SYNDIG1L: variants seen among roughly 807,000 people sequenced by gnomAD.
The protein encoded by SYNDIG1L is synapse differentiation-inducing gene protein 1-like.
SYNDIG1L carries 13 observed loss-of-function variants against 20.1 expected under a neutral mutation model. The observed-to-expected ratio is 0.65, with a 90% CI of 0.42 to 1.03. The LOEUF (loss-of-function observed/expected upper bound fraction) is 1.03, where lower values mean the gene tolerates loss of function less well. SYNDIG1L is among the 50% of genes least tolerant of loss of function. The pLI is 0.00. For synonymous variants in SYNDIG1L, 128 were observed against 129.3 expected, an observed-to-expected ratio of 0.99 and a Z score of 0.07; for missense variants, 294 against 305.1, an observed-to-expected ratio of 0.96 and a Z score of 0.27.
rs1595192952 is a variant in SYNDIG1L at position 74,407,966 on chromosome 14, A to G, written c.441T>C (p.Ser147=). The G allele has an allele frequency of 4.3e-6, 7 of 1,612,010 alleles. No individual in the cohort carries two copies. Among genetic ancestry groups the G allele is most frequent in the Non-Finnish European group, 5.1e-6 (6 of 1,179,122 alleles). ...EEESDATSTE[S]ESEDNFLTLP... Reference sequence around the variant, plus strand: ...GCGTGAGGAAGTTGTCTTCACTTTCACTCTCCGTTGAAGTGGCATCGCTCT... The same window carrying G: ...GCGTGAGGAAGTTGTCTTCACTTTCGCTCTCCGTTGAAGTGGCATCGCTCT... Residue 147 remains serine (S), a synonymous_variant, in exon 3 of 4, where the codon AGT becomes AGC. Coordinates refer to ENST00000331628, the MANE Select transcript of SYNDIG1L (RefSeq NM_001105579.2).
the SYNDIG1L span, among the ~76,000 whole-genome samples, chr14:74,441,685 CT>C: frequency 6.6e-6 from 1 of 151,664 alleles, no homozygotes; most frequent in Admixed American, 6.6e-5. Flanking sequence ...ACTTTTTAAA[CT>C]TTTTTTTGTA....
chr14:74,427,759 A>G (rs2086277577), upstream of SYNDIG1L, among the ~76,000 whole-genome samples: 1 of 152,162 alleles, frequency 6.6e-6, no homozygotes. Flanking sequence ...ATACAGACAC[A>G]CACACAACAC....
chr14:74,412,041 G>A (rs1202225358), intron 1 of SYNDIG1L, among the ~76,000 whole-genome samples: 1 of 152,232 alleles, frequency 6.6e-6, no homozygotes, highest in Non-Finnish European at 1.5e-5. Flanking sequence ...CAGAGATAGG[G>A]CGCACAGGCT....
chr14:74,470,114 T>C, the SYNDIG1L span, among the ~76,000 whole-genome samples: 34 of 152,166 alleles, frequency 2.2e-4, no homozygotes, highest in Non-Finnish European at 4.7e-4. Flanking sequence ...TAGGAGTTCT[T>C]GTACTCACCT....
chr14:74,423,693 T>C (rs558985052), intron 1 of SYNDIG1L, among the ~76,000 whole-genome samples: 169 of 151,356 alleles, frequency 1.1e-3, no homozygotes, highest in African/African-American at 3.8e-3. Flanking sequence ...GATATATATA[T>C]ACACACACAC....
the SYNDIG1L span, among the ~76,000 whole-genome samples, chr14:74,440,516 T>TAAAAAAAAAAAAAAAA: frequency 3.1e-5 from 3 of 97,242 alleles, no homozygotes; most frequent in African/African-American, 1.4e-4. Flanking sequence ...CTCCGTCTCA[T>TAAAAAAAAAAAAAAAA]AAAAAAAAAA....
At chr14:74,418,171 G>T (rs2086192103) in intron 1 of SYNDIG1L, among the ~76,000 whole-genome samples, 1 of 152,218 alleles carries the variant, frequency 6.6e-6, no homozygotes, top group Middle Eastern at 3.2e-3. Context: ...GTGGCTGTTT[G>T]TTGATGGCTT....
At chr14:74,420,390 C>CAA (rs33945889) in intron 1 of SYNDIG1L, among the ~76,000 whole-genome samples, 17,816 of 98,994 alleles carry the variant, frequency 0.18, 1,599 homozygotes, top group Non-Finnish European at 0.2. Flanking sequence ...GAGACTCTGT[C>CAA]AAAAAAAAAA....
At chr14:74,443,829 C>G in the SYNDIG1L span, among the ~76,000 whole-genome samples, 25 of 152,172 alleles carry the variant, frequency 1.6e-4, no homozygotes, top group African/African-American at 6.0e-4. Context: ...TGGCCAATAA[C>G]TGTCATTAGG....
rs781533484 is a variant in SYNDIG1L at position 74,409,719 on chromosome 14, T to A, written c.26A>T (p.Asn9Ile). MESLSELQNPLLPRSPAHL... is the reference protein window; with the variant it reads MESLSELQIPLLPRSPAHL... ...GGCAGGGCTCCTGGGCAGCAGCGGGTTCTGTAGTTCACTCAGACTCTCCAT... is the reference window on the plus strand; with the variant it reads ...GGCAGGGCTCCTGGGCAGCAGCGGGATCTGTAGTTCACTCAGACTCTCCAT... Residue 9 changes from asparagine (N) to isoleucine (I), a missense_variant, in exon 2 of 4, where the codon AAC becomes ATC. Transcript: ENST00000331628. 1.4e-6 allele frequency: 2 copies of A among 1,464,356 alleles called. No individual in the cohort carries two copies. The allele number at this position is 1,464,356 out of a possible 1,614,324, so 90.7% of individuals were successfully genotyped here. A position where few individuals can be genotyped will look rare whatever the true frequency, so the allele number is the denominator to read the frequency against.
the SYNDIG1L span, among the ~76,000 whole-genome samples, chr14:74,465,535 G>A: frequency 6.6e-6 from 1 of 152,180 alleles, no homozygotes; most frequent in Non-Finnish European, 1.5e-5. Flanking sequence ...GTGAACATCA[G>A]TTGGCACACA....
chr14:74,442,572 G>A, the SYNDIG1L span, among the ~76,000 whole-genome samples: 1 of 152,340 alleles, frequency 6.6e-6, no homozygotes, highest in Admixed American at 6.5e-5. Flanking sequence ...TCTAAAATCA[G>A]CAGGAGGCCA....
the SYNDIG1L span, among the ~76,000 whole-genome samples, chr14:74,451,000 C>A: frequency 2.3e-4 from 35 of 152,146 alleles, no homozygotes; most frequent in African/African-American, 8.2e-4. Context: ...GTCAGTATCC[C>A]CCAGATTGAT....
At chr14:74,460,232 T>C in the SYNDIG1L span, among the ~76,000 whole-genome samples, 1 of 151,426 alleles carries the variant, frequency 6.6e-6, no homozygotes, top group Admixed American at 6.6e-5. Context: ...GTGGGGCTCT[T>C]ACCACCTACT....
chr14:74,471,603 CACACACACACACAT>C, the SYNDIG1L span, among the ~76,000 whole-genome samples: 2 of 151,780 alleles, frequency 1.3e-5, no homozygotes, highest in Admixed American at 6.6e-5. Flanking sequence ...ATCTCACACA[CACACACACACACAT>C]ACACACACAC....
the SYNDIG1L span, among the ~76,000 whole-genome samples, chr14:74,445,454 T>TTGTGTGTGTGTGTGTGTG: frequency 1.4e-5 from 2 of 147,868 alleles, no homozygotes; most frequent in African/African-American, 5.0e-5. Flanking sequence ...GTATTAAAAT[T>TTGTGTGTGTGTGTGTGTG]TGTGTGTGTG....
At chr14:74,468,074 G>A in the SYNDIG1L span, among the ~76,000 whole-genome samples, 1 of 152,164 alleles carries the variant, frequency 6.6e-6, no homozygotes, top group South Asian at 2.1e-4. Flanking sequence ...GGGAAGCTGG[G>A]CCCGCCAAAC....
At chr14:74,427,697 T>TCTCAGGC (rs1416654954), upstream of SYNDIG1L, among the ~76,000 whole-genome samples, 1 of 152,076 alleles carries the variant, frequency 6.6e-6, no homozygotes, top group Admixed American at 6.6e-5. Context: ...GGACCACTCA[T>TCTCAGGC]CTCAGGCCCA....
chr14:74,467,102 G>A, the SYNDIG1L span, among the ~76,000 whole-genome samples: 5 of 152,082 alleles, frequency 3.3e-5, no homozygotes, highest in Non-Finnish European at 7.4e-5. Flanking sequence ...TCATTAATGG[G>A]TCACCGTGTT....
Sources: gnomAD v4.1 joint callset for allele counts (sites outside exome capture counted in the v4.1 genomes callset) on GRCh38, gnomAD v4.1.1 for gene constraint, MANE v1.5 for transcripts, NCBI Gene and HGNC (gene_info 2026-07-23, HGNC 2026-07-21) for gene names.